The following GALNT14 variants were observed in gnomAD, a reference collection of about 807,000 sequenced individuals.
GALNT14 encodes UDP-GalNAc:polypeptide N-acetylgalactosaminyltransferase 14.
Under a neutral mutation model 77.5 loss-of-function variants are expected in GALNT14, and 60 were observed. The observed-to-expected ratio is 0.77, with a 90% CI of 0.63 to 0.96. The LOEUF (loss-of-function observed/expected upper bound fraction) is 0.96. Ranked by LOEUF, GALNT14 falls within the 40% of genes least tolerant of loss-of-function variation. GALNT14 has a pLI of 0.00. For synonymous variants in GALNT14, 280 were observed against 281.7 expected, an observed-to-expected ratio of 0.99 and a Z score of 0.06; for missense variants, 710 against 731.0, an observed-to-expected ratio of 0.97 and a Z score of 0.33.
rs116521115 is a variant in GALNT14 at position 30,953,597 on chromosome 2, C to T, written c.654+2021G>A. 3.8e-3 allele frequency among the ~76,000 whole-genome samples: 574 copies of T among 152,314 alleles called. 7 individuals are homozygous for T. Among genetic ancestry groups the T allele is most frequent in the African/African-American group, 0.013 (549 of 41,574 alleles). ...TGCTGGGATTATAGGCATGCGCCACCGCACCCAGCCAAATTTCCTTCTTTC... is the reference window on the plus strand; with the variant it reads ...TGCTGGGATTATAGGCATGCGCCACTGCACCCAGCCAAATTTCCTTCTTTC... On this transcript the variant is annotated intron_variant, in intron 6 of 14. Coordinates refer to ENST00000349752, the MANE Select transcript of GALNT14 (RefSeq NM_024572.4).
At chr2:31,051,823 C>T (rs1486576568) in intron 1 of GALNT14, among the ~76,000 whole-genome samples, 1 of 152,206 alleles carries the variant, frequency 6.6e-6, no homozygotes, top group South Asian at 2.1e-4. Context: ...AAAGCCTTCA[C>T]ATTGACTGTC....
At chr2:30,938,308 TACACAC>T (rs10623006) in intron 9 of GALNT14, among the ~76,000 whole-genome samples, 3 of 142,712 alleles carry the variant, frequency 2.1e-5, no homozygotes, top group Admixed American at 7.0e-5. Flanking sequence ...ACATACACCC[TACACAC>T]ACACACACAC....
chr2:31,011,503 T>A (rs1573154842), intron 1 of GALNT14, among the ~76,000 whole-genome samples: 1 of 152,212 alleles, frequency 6.6e-6, no homozygotes, highest in Middle Eastern at 3.4e-3. Context: ...GACAGGGCCC[T>A]ATTTTTCAGT....
chr2:30,994,673 TG>T lies in GALNT14; in HGVS notation c.130-1667del, dbSNP rs144873174. ...CAGCCTGATAGCTGTGACCTCTGCT[TG>T]GAACATCACCCCACGGTAACCTTGA... On this transcript the variant is annotated intron_variant, in intron 1 of 14. Transcript: ENST00000349752. 3.3e-3 allele frequency among the ~76,000 whole-genome samples: 497 copies of T among 152,274 alleles called. 1 individual carries two copies. Among genetic ancestry groups the T allele is most frequent in the Non-Finnish European group, 4.1e-3 (282 of 68,014 alleles).
At chr2:30,909,055 A>C (rs985360739), downstream of GALNT14, among the ~76,000 whole-genome samples, 1 of 152,078 alleles carries the variant, frequency 6.6e-6, no homozygotes, top group African/African-American at 2.4e-5. Context: ...TACAAAATTC[A>C]ATTCAAGATG....
At chr2:31,129,608 C>T (rs1273906250) in intron 1 of GALNT14, 27 of 985,228 alleles carry the variant, frequency 2.7e-5, no homozygotes, top group Non-Finnish European at 3.1e-5. Context: ...AATACAGGCA[C>T]CAGCTAATTT....
chr2:31,027,325 G>A (rs140512714), intron 1 of GALNT14, among the ~76,000 whole-genome samples: 1 of 151,592 alleles, frequency 6.6e-6, no homozygotes, highest in Non-Finnish European at 1.5e-5. Flanking sequence ...GCTGAGACAG[G>A]AGAATAACTT....
At chr2:31,049,529 T>G (rs1673704435) in intron 1 of GALNT14, among the ~76,000 whole-genome samples, 1 of 152,180 alleles carries the variant, frequency 6.6e-6, no homozygotes, top group South Asian at 2.1e-4. Context: ...GCTCAACTGC[T>G]GGCCCTCAGG....
intron 1 of GALNT14, among the ~76,000 whole-genome samples, chr2:31,086,953 T>C (rs759365351): frequency 5.2e-4 from 79 of 152,078 alleles, no homozygotes; most frequent in Admixed American, 1.3e-4. Flanking sequence ...GAGAACAAAT[T>C]TTAAAGCAAG....
intron 1 of GALNT14, among the ~76,000 whole-genome samples, chr2:31,063,215 C>A (rs1259978505): frequency 6.6e-6 from 1 of 152,148 alleles, no homozygotes; most frequent in Non-Finnish European, 1.5e-5. Flanking sequence ...AGTCTTTAAT[C>A]CACCTTGAGT....
intron 1 of GALNT14, among the ~76,000 whole-genome samples, chr2:31,003,444 TCTG>T (rs1444557840): frequency 6.6e-6 from 1 of 152,182 alleles, no homozygotes; most frequent in African/African-American, 2.4e-5. Context: ...AGAAAATAAG[TCTG>T]CTAAGAGTTG....
chr2:31,022,399 G>C (rs1311728184), intron 1 of GALNT14, among the ~76,000 whole-genome samples: 1 of 152,202 alleles, frequency 6.6e-6, no homozygotes, highest in Non-Finnish European at 1.5e-5. Context: ...CCCTTGGGCT[G>C]AGTATTATGG....
chr2:31,032,081 T>C lies in GALNT14; in HGVS notation c.130-39074A>G, dbSNP rs373212462. 2.0e-5 allele frequency among the ~76,000 whole-genome samples: 3 copies of C among 152,320 alleles called. No homozygotes were observed. In the East Asian group the frequency reaches 5.8e-4, roughly 29 times the overall value. ...AACCATGGTGGGGTTTTGAGAGGAA[T>C]ACCTAGGCAGCAGACTCTCATGGAT... On this transcript the variant is annotated intron_variant, in intron 1 of 14. Transcript: ENST00000349752.
At chr2:31,056,855 C>G (rs532612761) in intron 1 of GALNT14, among the ~76,000 whole-genome samples, 1 of 152,200 alleles carries the variant, frequency 6.6e-6, no homozygotes, top group South Asian at 2.1e-4. Flanking sequence ...ACACTACACA[C>G]GATCGCAAAC....
At chr2:31,023,300 A>T (rs1276584831) in intron 1 of GALNT14, among the ~76,000 whole-genome samples, 1 of 152,184 alleles carries the variant, frequency 6.6e-6, no homozygotes, top group East Asian at 1.9e-4. Flanking sequence ...AGACCACAGC[A>T]TGGATGGCCT....
intron 1 of GALNT14, among the ~76,000 whole-genome samples, chr2:31,036,332 C>G (rs1427017215): frequency 6.6e-6 from 1 of 152,066 alleles, no homozygotes; most frequent in Non-Finnish European, 1.5e-5. Flanking sequence ...CAATTAACAC[C>G]TTAATTTAAA....
At chr2:31,118,539 T>C (rs1258052711) in intron 1 of GALNT14, among the ~76,000 whole-genome samples, 2 of 151,996 alleles carry the variant, frequency 1.3e-5, no homozygotes, top group African/African-American at 2.4e-5. Context: ...AAAAAACTAA[T>C]AAAAACTCAA....
chr2:31,054,167 T>TGC (rs1674070590), intron 1 of GALNT14, among the ~76,000 whole-genome samples: 1 of 152,232 alleles, frequency 6.6e-6, no homozygotes, highest in Non-Finnish European at 1.5e-5. Flanking sequence ...GGAAGTCCAG[T>TGC]GCATGCTTTG....
chr2:30,982,956 T>C (rs1166038896), intron 2 of GALNT14, among the ~76,000 whole-genome samples: 2 of 152,170 alleles, frequency 1.3e-5, no homozygotes, highest in African/African-American at 4.8e-5. Context: ...TCAACAGTAT[T>C]GTCTTCTCCA....
Sources: gnomAD v4.1 joint callset for allele counts (sites outside exome capture counted in the v4.1 genomes callset) on GRCh38, gnomAD v4.1.1 for gene constraint, MANE v1.5 for transcripts, NCBI Gene and HGNC (gene_info 2026-07-23, HGNC 2026-07-21) for gene names.